GLCE: variants seen among roughly 807,000 people sequenced by gnomAD.
The protein encoded by GLCE is D-glucuronyl C5-epimerase.
In GLCE, 19 loss-of-function variants were observed where a neutral mutation model predicts 47.9. The observed-to-expected ratio is 0.40, with a 90% CI of 0.28 to 0.58. The LOEUF (loss-of-function observed/expected upper bound fraction) is 0.58, where lower values mean the gene tolerates loss of function less well. Ranked by LOEUF, GLCE falls within the 20% of genes least tolerant of loss-of-function variation. The pLI is 0.48. For synonymous variants in GLCE, 245 were observed against 263.4 expected, an observed-to-expected ratio of 0.93 and a Z score of 0.68; for missense variants, 556 against 743.3, an observed-to-expected ratio of 0.75 and a Z score of 2.93.
chr15:69,226,058 AC>A (rs1404698371), intron 2 of GLCE, among the ~76,000 whole-genome samples: 3 of 33,432 alleles, frequency 9.0e-5, no homozygotes, highest in Non-Finnish European at 3.3e-4. Flanking sequence ...ACACACACAC[AC>A]ACACACACAC....
At chr15:69,221,155 T>C (rs528319542) in intron 2 of GLCE, among the ~76,000 whole-genome samples, 1 of 152,362 alleles carries the variant, frequency 6.6e-6, no homozygotes, top group African/African-American at 2.4e-5. Context: ...TTTTGATCAT[T>C]CTAACTTTTG....
chr15:69,236,145 G>A (rs2052591883), intron 2 of GLCE, among the ~76,000 whole-genome samples: 1 of 152,140 alleles, frequency 6.6e-6, no homozygotes, highest in South Asian at 2.1e-4. Context: ...TCCATTGTAT[G>A]GATGAACCAC....
At chr15:69,238,228 C>G (rs1005397454) in intron 2 of GLCE, among the ~76,000 whole-genome samples, 2 of 152,000 alleles carry the variant, frequency 1.3e-5, no homozygotes, top group African/African-American at 4.8e-5. Context: ...TCTGCACAAC[C>G]AAGGGTAAAT....
Position 69,216,123 on chromosome 15 carries a change from G to A in GLCE, c.-14+5717G>A, listed in dbSNP as rs149929319. On this transcript the variant is annotated intron_variant, in intron 2 of 4. Transcript: ENST00000261858. ...ATAATTTTATTGTTGTCTAAAGCTA[G>A]ATTGCATCGTAGGAATCTATCCAAA... is the stretch of plus-strand genomic sequence containing the variant. 5.8e-3 allele frequency among the ~76,000 whole-genome samples: 883 copies of A among 152,242 alleles called. 13 individuals carry two copies. The highest frequency in any genetic ancestry group is 0.021 in the African/African-American group (859 of 41,560).
intron 2 of GLCE, among the ~76,000 whole-genome samples, chr15:69,254,816 C>T (rs934739100): frequency 2.6e-5 from 4 of 151,928 alleles, no homozygotes; most frequent in African/African-American, 9.7e-5. Context: ...CCTGGCCTGG[C>T]GAGAGAATTT....
chr15:69,212,911 T>G (rs2052252314), intron 2 of GLCE, among the ~76,000 whole-genome samples: 1 of 152,094 alleles, frequency 6.6e-6, no homozygotes, highest in Admixed American at 6.6e-5. Context: ...GGGTTTTCTT[T>G]AAAATGTTAA....
chr15:69,214,482 G>T (rs2140379857), intron 2 of GLCE, among the ~76,000 whole-genome samples: 1 of 152,146 alleles, frequency 6.6e-6, no homozygotes, highest in South Asian at 2.1e-4. Flanking sequence ...ATTCCCTTCT[G>T]CCATGATTGT....
intron 1 of GLCE, among the ~76,000 whole-genome samples, chr15:69,179,196 G>T (rs1421841876): frequency 6.6e-6 from 1 of 152,210 alleles, no homozygotes; most frequent in Admixed American, 6.5e-5. Context: ...TTGGAAATCA[G>T]ATCTCGGTAT....
chr15:69,204,910 A>G (rs1367783961), intron 1 of GLCE, among the ~76,000 whole-genome samples: 3 of 152,164 alleles, frequency 2.0e-5, no homozygotes, highest in Non-Finnish European at 4.4e-5. Flanking sequence ...AAAAGTAGGC[A>G]GAATAAACAA....
At chr15:69,267,714 A>G (rs888785870) in intron 4 of GLCE, among the ~76,000 whole-genome samples, 1 of 152,206 alleles carries the variant, frequency 6.6e-6, no homozygotes, top group Non-Finnish European at 1.5e-5. Flanking sequence ...AGGGGATTAA[A>G]TGAATAAATA....
At chr15:69,247,330 C>G (rs2052766778) in intron 2 of GLCE, among the ~76,000 whole-genome samples, 1 of 152,232 alleles carries the variant, frequency 6.6e-6, no homozygotes, top group Admixed American at 6.5e-5. Context: ...TAGCTTCCAA[C>G]TTTTCTTCTG....
intron 2 of GLCE, among the ~76,000 whole-genome samples, chr15:69,226,880 G>A (rs1284476611): frequency 6.6e-6 from 1 of 151,204 alleles, no homozygotes; most frequent in Non-Finnish European, 1.5e-5. Context: ...GAGTAGCTGG[G>A]ATTACAGGCG....
intron 1 of GLCE, among the ~76,000 whole-genome samples, chr15:69,169,528 C>T (rs1472528691): frequency 6.6e-6 from 1 of 151,484 alleles, no homozygotes; most frequent in Non-Finnish European, 1.5e-5. Context: ...TTAGGTATAT[C>T]TCCTAATGCT....
intron 1 of GLCE, chr15:69,196,869 G>T: frequency 5.7e-6 from 1 of 175,462 alleles, no homozygotes; most frequent in Non-Finnish European, 1.2e-5. Flanking sequence ...ATCAGATTGT[G>T]ACGTGCGTTG....
intron 1 of GLCE, among the ~76,000 whole-genome samples, chr15:69,177,100 A>G (rs2051678983): frequency 6.6e-6 from 1 of 151,894 alleles, no homozygotes; most frequent in Non-Finnish European, 1.5e-5. Context: ...GCTCTCTGCA[A>G]CCTTTGCCTC....
Position 69,229,623 on chromosome 15 carries a change from G to T in GLCE, c.-14+19217G>T, listed in dbSNP as rs185785446. The stretch of plus-strand genomic sequence containing the variant: ...TATGGAATTTTTCACATAAGTAGAG[G>T]TTTTTTTGTTTTTTTAAAGCAGTAT... On this transcript the variant is annotated intron_variant, in intron 2 of 4. Coordinates refer to ENST00000261858, the MANE Select transcript of GLCE (RefSeq NM_015554.3). 4.7e-4 allele frequency among the ~76,000 whole-genome samples: 72 copies of T among 151,642 alleles called. 1 individual carries two copies. The highest frequency in any genetic ancestry group is 1.7e-3 in the African/African-American group (70 of 41,318).
intron 1 of GLCE, chr15:69,197,229 G>A (rs1424164267): frequency 7.1e-6 from 3 of 420,748 alleles, no homozygotes; most frequent in South Asian, 1.8e-5. Flanking sequence ...CTCATCCACC[G>A]TATTCACCTG....
intron 2 of GLCE, among the ~76,000 whole-genome samples, chr15:69,232,857 T>C (rs1360035561): frequency 6.6e-6 from 1 of 152,224 alleles, no homozygotes; most frequent in African/African-American, 2.4e-5. Flanking sequence ...AGCAAGGACC[T>C]GTAAGACATT....
At chr15:69,171,125 A>C (rs2051581731) in intron 1 of GLCE, among the ~76,000 whole-genome samples, 1 of 152,058 alleles carries the variant, frequency 6.6e-6, no homozygotes, top group African/African-American at 2.4e-5. Flanking sequence ...TACCTAATTT[A>C]AAAACCAAAT....
Sources: allele counts gnomAD v4.1 joint callset (sites outside exome capture counted in the v4.1 genomes callset), GRCh38; gene constraint gnomAD v4.1.1; transcripts MANE v1.5; gene names NCBI Gene and HGNC (gene_info 2026-07-23, HGNC 2026-07-21).